Variants in ANKS1B observed in about 807,000 individuals in gnomAD.
ANKS1B encodes ankyrin repeat and sterile alpha motif domain containing 1B.
In ANKS1B, 36 loss-of-function variants were observed where a neutral mutation model predicts 148.3. The observed-to-expected ratio is 0.24, with a 90% CI of 0.19 to 0.32. The LOEUF is 0.32. Ranked by LOEUF, ANKS1B falls within the 10% of genes least tolerant of loss-of-function variation. The pLI is 1.00. For synonymous variants in ANKS1B, 542 were observed against 560.8 expected, an observed-to-expected ratio of 0.97 and a Z score of 0.47; for missense variants, 1,157 against 1,542.6, an observed-to-expected ratio of 0.75 and a Z score of 4.19.
chr12:99,344,683 GT>G lies in ANKS1B; in HGVS notation c.1756+54947del, dbSNP rs1427423853. On this transcript the variant is annotated intron_variant, in intron 12 of 26. Coordinates refer to ENST00000683438, the MANE Select transcript of ANKS1B (RefSeq NM_001352186.2). The stretch of plus-strand genomic sequence containing the variant: ...TCCTTTGTATCTAATTTCCTTAGAG[GT>G]GATTTTCTATGCATAACAGAATTAT... Among the ~76,000 whole-genome samples, 8 of 151,970 alleles carry G rather than the reference GT, an allele frequency of 5.3e-5. No individual in the cohort carries two copies. In the South Asian group the frequency reaches 1.7e-3, roughly 32 times the overall value.
chr12:99,307,522 G>A (rs1296319531), intron 12 of ANKS1B, among the ~76,000 whole-genome samples: 1 of 151,964 alleles, frequency 6.6e-6, no homozygotes, highest in Non-Finnish European at 1.5e-5. Flanking sequence ...TGGAGAGCCT[G>A]GACAAAGAAA....
intron 16 of ANKS1B, among the ~76,000 whole-genome samples, chr12:99,076,293 C>T (rs1422336721): frequency 6.6e-6 from 1 of 151,854 alleles, no homozygotes. Context: ...AATGAAGGCG[C>T]CTCAGGAGGG....
rs180940611 is a variant in ANKS1B, at chr12:98,797,752, A to G, written c.3342+1182T>C. Among the ~76,000 whole-genome samples, 32 of 152,324 alleles carry G rather than the reference A, an allele frequency of 2.1e-4. No individual in the cohort carries two copies. In the East Asian group the frequency reaches 5.2e-3, roughly 25 times the overall value. On this transcript the variant is annotated intron_variant, in intron 22 of 26. Transcript: ENST00000683438. ...CACACATATTTAGCTTTCCATAAAC[A>G]ATGGATATTTCATGTTTACCTTCAT...
At chr12:98,947,726 G>A (rs2099847579) in intron 17 of ANKS1B, among the ~76,000 whole-genome samples, 1 of 152,202 alleles carries the variant, frequency 6.6e-6, no homozygotes, top group African/African-American at 2.4e-5. Flanking sequence ...AACTCAGGTA[G>A]GACCGAAGTG....
chr12:99,301,167 T>G (rs942787822), intron 12 of ANKS1B, among the ~76,000 whole-genome samples: 4 of 152,178 alleles, frequency 2.6e-5, no homozygotes, highest in Non-Finnish European at 5.9e-5. Context: ...CCTTCACCTT[T>G]TCATTCTATC....
At chr12:98,759,375 G>A (rs1052860753) in intron 25 of ANKS1B, among the ~76,000 whole-genome samples, 3 of 152,120 alleles carry the variant, frequency 2.0e-5, no homozygotes, top group Non-Finnish European at 2.9e-5. Flanking sequence ...AATGACATGG[G>A]GGAGTAAAAG....
chr12:99,801,062 A>G (rs1489823636), intron 4 of ANKS1B, among the ~76,000 whole-genome samples: 4 of 152,074 alleles, frequency 2.6e-5, no homozygotes, highest in African/African-American at 9.7e-5. Context: ...ATGACTTTGT[A>G]CTTCTTTCCA....
chr12:99,591,415 A>G (rs1273393828), intron 9 of ANKS1B, among the ~76,000 whole-genome samples: 1 of 152,066 alleles, frequency 6.6e-6, no homozygotes, highest in Non-Finnish European at 1.5e-5. Flanking sequence ...ACTTATAACA[A>G]GTGTTATTTT....
chr12:99,585,974 T>C (rs1055684419), intron 9 of ANKS1B, among the ~76,000 whole-genome samples: 1 of 152,164 alleles, frequency 6.6e-6, no homozygotes, highest in African/African-American at 2.4e-5. Flanking sequence ...ATTTTCCCCA[T>C]TGTCTTGATG....
chr12:99,430,066 C>T (rs2095342174), intron 11 of ANKS1B, among the ~76,000 whole-genome samples: 2 of 143,712 alleles, frequency 1.4e-5, no homozygotes. Context: ...AAAAAAAGAT[C>T]TTTAGAAAAA....
At chr12:98,887,843 C>A (rs970258823) in intron 17 of ANKS1B, among the ~76,000 whole-genome samples, 9 of 152,110 alleles carry the variant, frequency 5.9e-5, no homozygotes, top group African/African-American at 2.2e-4. Flanking sequence ...GAACTTCTGG[C>A]CTCAAGCTCT....
intron 9 of ANKS1B, among the ~76,000 whole-genome samples, chr12:99,641,758 C>T (rs926813344): frequency 2.0e-5 from 3 of 152,058 alleles, no homozygotes; most frequent in Admixed American, 6.5e-5. Flanking sequence ...GTGACATCAA[C>T]AATTACTGAT....
chr12:99,669,762 A>C (rs1321781956), intron 8 of ANKS1B, among the ~76,000 whole-genome samples: 1 of 151,980 alleles, frequency 6.6e-6, no homozygotes, highest in Non-Finnish European at 1.5e-5. Flanking sequence ...TTGGTATAGT[A>C]CCCTCTTTTC....
chr12:99,544,707 C>T (rs1193383953), intron 9 of ANKS1B, among the ~76,000 whole-genome samples: 1 of 152,082 alleles, frequency 6.6e-6, no homozygotes, highest in Non-Finnish European at 1.5e-5. Flanking sequence ...CAATTGTTCC[C>T]AACCTTAGCT....
rs145355536 is a variant in ANKS1B, at chr12:98,906,781, A to C, written c.2779-74645T>G. ...ATAATGGTGATTACAGCAACAATGC[A>C]TTATATAGCATTAAATGTTTTTGAA... On this transcript the variant is annotated intron_variant, in intron 17 of 26. Transcript: ENST00000683438. Among the ~76,000 whole-genome samples, 3 of 152,380 alleles carry C rather than the reference A, an allele frequency of 2.0e-5. No individual in the cohort carries two copies. The East Asian group carries it at 5.8e-4, about 29-fold the overall frequency.
intron 1 of ANKS1B, among the ~76,000 whole-genome samples, chr12:99,940,050 C>A (rs1258421979): frequency 6.6e-6 from 1 of 152,152 alleles, no homozygotes; most frequent in African/African-American, 2.4e-5. Context: ...TGTTGTGTGA[C>A]AAAATCATTC....
At chr12:99,433,254 T>A (rs1381055069) in intron 11 of ANKS1B, among the ~76,000 whole-genome samples, 1 of 152,124 alleles carries the variant, frequency 6.6e-6, no homozygotes, top group African/African-American at 2.4e-5. Flanking sequence ...GAGTCATATC[T>A]GTTAATATTT....
chr12:99,165,362 A>G (rs979376576), intron 14 of ANKS1B, among the ~76,000 whole-genome samples: 1 of 151,864 alleles, frequency 6.6e-6, no homozygotes, highest in Non-Finnish European at 1.5e-5. Context: ...GATTAGTCCA[A>G]CTGGTAAATC....
chr12:99,076,795 A>C (rs763861975), intron 16 of ANKS1B, among the ~76,000 whole-genome samples: 3 of 152,138 alleles, frequency 2.0e-5, no homozygotes, highest in Non-Finnish European at 4.4e-5. Flanking sequence ...CGGGTCAGTA[A>C]ACTATGCCTA....
Sources: allele counts gnomAD v4.1 joint callset (sites outside exome capture counted in the v4.1 genomes callset), GRCh38; gene constraint gnomAD v4.1.1; transcripts MANE v1.5; gene names NCBI Gene and HGNC (gene_info 2026-07-23, HGNC 2026-07-21).